Variants in B3GALNT2 observed in about 807,000 individuals in gnomAD.
B3GALNT2 encodes the protein beta-1,3-N-acetylgalactosaminyltransferase 2, also known as UDP-GalNAc:beta-1,3-N-acetylgalactosaminyltransferase 2.
A neutral mutation model predicts 61.1 loss-of-function variants in B3GALNT2; 53 were observed. The ratio of observed to expected loss-of-function variants is 0.87; its 90% CI spans 0.70 to 1.09. The LOEUF (loss-of-function observed/expected upper bound fraction) is 1.09, where lower values mean the gene tolerates loss of function less well. Among genes scored for constraint, B3GALNT2 ranks in the 50% least tolerant of loss-of-function variants. The pLI is 0.00. For missense variants in B3GALNT2, 544 were observed against 623.0 expected (o/e 0.87, Z 1.35); for synonymous variants, 223 against 237.4 (o/e 0.94, Z 0.56).
At position 235,477,059 on chromosome 1, in the gene B3GALNT2, GA is replaced by G. The variant is rs1187902568; in HGVS notation, c.651+2994del. 4.0e-5 allele frequency among the ~76,000 whole-genome samples: 6 copies of G among 151,356 alleles called. No homozygotes were observed. In the South Asian group the frequency reaches 8.4e-4, roughly 21 times the overall value. ...AAAAATAAGTAAATAAAAATTAGGG[GA>G]AAAAAAAGTCTTAATAACTACAAAG... On this transcript the variant is annotated intron_variant, in intron 5 of 11. Transcript: ENST00000366600.
chr1:235,481,854 C>T (rs1684577946), intron 4 of B3GALNT2, among the ~76,000 whole-genome samples: 1 of 152,152 alleles, frequency 6.6e-6, no homozygotes, highest in African/African-American at 2.4e-5. Context: ...ATCATTATAG[C>T]TGGCATCATC....
chr1:235,442,907 G>T, downstream of B3GALNT2: 4 of 1,614,024 alleles, frequency 2.5e-6, no homozygotes, highest in Non-Finnish European at 3.4e-6. Flanking sequence ...AGAAACAACT[G>T]CCGGGTAAGA....
chr1:235,444,147 G>GCTTATAGAAGGC (rs1366478969), downstream of B3GALNT2, among the ~76,000 whole-genome samples: 5 of 152,120 alleles, frequency 3.3e-5, no homozygotes, highest in Non-Finnish European at 4.4e-5. Context: ...TCATGGTATT[G>GCTTATAGAAGGC]CTTATAGAAG....
intron 1 of B3GALNT2, among the ~76,000 whole-genome samples, chr1:235,495,804 A>G (rs1685292576): frequency 6.6e-6 from 1 of 152,198 alleles, no homozygotes; most frequent in South Asian, 2.1e-4. Context: ...AAATTATTGA[A>G]GCCCAGACTC....
intron 5 of B3GALNT2, among the ~76,000 whole-genome samples, chr1:235,473,638 T>G (rs184531627): frequency 3.9e-4 from 60 of 152,352 alleles, no homozygotes; most frequent in African/African-American, 1.4e-3. Context: ...GCTGTAATTA[T>G]AGATTTAACA....
intron 1 of B3GALNT2, among the ~76,000 whole-genome samples, chr1:235,495,892 A>G (rs1053568889): frequency 2.6e-5 from 4 of 152,214 alleles, no homozygotes; most frequent in African/African-American, 4.8e-5. Context: ...AACCAGGTTG[A>G]TATTTTCTTC....
intron 3 of B3GALNT2, among the ~76,000 whole-genome samples, chr1:235,486,262 A>C (rs1430401720): frequency 1.3e-5 from 2 of 152,200 alleles, no homozygotes; most frequent in African/African-American, 4.8e-5. Context: ...GGGAGAATAC[A>C]GTTTTTTGTC....
downstream of B3GALNT2, among the ~76,000 whole-genome samples, chr1:235,442,435 G>T (rs554752902): frequency 6.6e-6 from 1 of 152,276 alleles, no homozygotes; most frequent in Non-Finnish European, 1.5e-5. Flanking sequence ...CTCCCAAAGT[G>T]CTAGGATTAG....
chr1:235,474,878 A>G (rs955942728), intron 5 of B3GALNT2, among the ~76,000 whole-genome samples: 2 of 149,196 alleles, frequency 1.3e-5, no homozygotes, highest in Non-Finnish European at 3.0e-5. Flanking sequence ...AGGTGAACAA[A>G]AATAGTCTGC....
Position 235,454,447 on chromosome 1 carries a change from T to C in B3GALNT2, c.1152-132A>G, listed in dbSNP as rs1261125890. On this transcript the variant is annotated intron_variant, in intron 9 of 11. Transcript: ENST00000366600. ...TGAGGAAAGAAAATAAGAAAATTTC[T>C]TTTTTTTTGAGATGGAGTTTTGCTC... 7.7e-6 allele frequency: 7 copies of C among 913,134 alleles called. No individual in the cohort carries two copies. The Admixed American group carries it at 1.5e-4, about 19-fold the overall frequency. 56.6% of individuals were successfully genotyped at this position (913,134 alleles called of 1,614,324 possible). A position where few individuals can be genotyped will look rare whatever the true frequency, so the allele number is the denominator to read the frequency against.
rs1005893028 is a variant in B3GALNT2 at position 235,498,928 on chromosome 1, G to A, written c.113-4100C>T. 3.3e-5 allele frequency among the ~76,000 whole-genome samples: 5 copies of A among 150,422 alleles called. No homozygotes were observed. The Admixed American group carries it at 3.4e-4, about 10-fold the overall frequency. On this transcript the variant is annotated intron_variant, in intron 1 of 11. Transcript: ENST00000366600. ...ATGTAATTTGGTACAGTCTTCTGCAGGGCAATTTGGCAATGTGTCAAATAA... is the reference window on the plus strand; with the variant it reads ...ATGTAATTTGGTACAGTCTTCTGCAAGGCAATTTGGCAATGTGTCAAATAA...
rs575565690 is a variant in B3GALNT2 at position 235,494,925 on chromosome 1, G to A, written c.113-97C>T. 22 of 1,200,648 alleles carry A rather than the reference G, an allele frequency of 1.8e-5. No individual in the cohort carries two copies. In the African/African-American group the frequency reaches 3.3e-4, roughly 18 times the overall value. The allele number at this position is 1,200,648 out of a possible 1,614,324, so 74.4% of individuals were successfully genotyped here. On this transcript the variant is annotated intron_variant, in intron 1 of 11. Coordinates refer to ENST00000366600, the MANE Select transcript of B3GALNT2 (RefSeq NM_152490.5). ...TTTATTACAAAATAAGCTTATGTTT[G>A]TAGGAAATTCAGATAAACACAAAGA...
At chr1:235,469,281 T>C (rs1424311400) in intron 6 of B3GALNT2, among the ~76,000 whole-genome samples, 2 of 152,224 alleles carry the variant, frequency 1.3e-5, no homozygotes, top group Non-Finnish European at 2.9e-5. Context: ...TTCACTAAGC[T>C]TGTGAATTTA....
At chr1:235,494,532 C>G (rs1685222503) in intron 2 of B3GALNT2, 149 bp downstream of exon 2, 5 of 773,590 alleles carry the variant, frequency 6.5e-6, no homozygotes, top group Non-Finnish European at 1.0e-5. Context: ...TCATGGCTCA[C>G]TGCAGCCTCA....
chr1:235,446,156 G>A (rs537622566), downstream of B3GALNT2, among the ~76,000 whole-genome samples: 10 of 152,012 alleles, frequency 6.6e-5, no homozygotes, highest in African/African-American at 1.4e-4. Flanking sequence ...AATGTAGTAC[G>A]TCAATATATT....
intron 2 of B3GALNT2, 90 bp downstream of exon 2, chr1:235,494,591 G>C (rs1302015271): frequency 7.2e-7 from 1 of 1,388,960 alleles, no homozygotes; most frequent in East Asian, 2.4e-5. Flanking sequence ...CCGGTAGCTG[G>C]GACGACGGGC....
chr1:235,494,741 C>T lies in B3GALNT2; in HGVS notation c.200G>A (p.Arg67Gln), dbSNP rs757049686. Residue 67 changes from arginine to glutamine, a missense_variant, in exon 2 of 12, where the codon CGA (arginine) becomes CAA (glutamine). Coordinates refer to ENST00000366600, the MANE Select transcript of B3GALNT2 (RefSeq NM_152490.5). ...VLSARNNHELRNVIRSTWMRH... is the reference protein window; with the variant it reads ...VLSARNNHELQNVIRSTWMRH... ...CATCCAGGTGCTTCTTATCACGTTT[C>T]GAAGTTCATGGTTATTGCGAGCTGA... 4.3e-6 allele frequency: 7 copies of T among 1,612,784 alleles called. No individual in the cohort carries two copies. Among genetic ancestry groups the T allele is most frequent in the East Asian group, 2.2e-5 (1 of 44,884 alleles).
Position 235,450,022 on chromosome 1 carries a change from G to GTT in B3GALNT2, c.*182_*183dup. On this transcript the variant is annotated 3_prime_UTR_variant, in exon 12 of 12. Transcript: ENST00000366600. ...AAACTTTTCTTATGCTACAGTACAA[G>GTT]TTGATTTTTAAGGAAATTTGTGCAA... The GTT allele has an allele frequency of 1.6e-6, 1 of 613,926 alleles. No individual in the cohort carries two copies. The allele number at this position is 613,926 out of a possible 1,614,324, so 38.0% of individuals were successfully genotyped here.
chr1:235,443,868 G>T (rs886426537), downstream of B3GALNT2, among the ~76,000 whole-genome samples: 13 of 152,156 alleles, frequency 8.5e-5, no homozygotes, highest in African/African-American at 2.9e-4. Flanking sequence ...TGTCAATAAA[G>T]TAGATCAACA....
Sources: allele counts gnomAD v4.1 joint callset (sites outside exome capture counted in the v4.1 genomes callset), GRCh38; gene constraint gnomAD v4.1.1; transcripts MANE v1.5; gene names NCBI Gene and HGNC (gene_info 2026-07-23, HGNC 2026-07-21).